Variants in POU2F1 observed in about 807,000 individuals in gnomAD.
POU2F1 encodes the protein POU domain, class 2, transcription factor 1.
In POU2F1, 16 loss-of-function variants were observed where a neutral mutation model predicts 84.9. The observed-to-expected ratio is 0.19, with a 90% CI of 0.13 to 0.29. POU2F1 has a LOEUF of 0.29. Ranked by LOEUF, POU2F1 falls within the 10% of genes least tolerant of loss-of-function variation. The pLI is 1.00. For missense variants in POU2F1, 738 were observed against 942.6 expected (o/e 0.78, Z 2.84); for synonymous variants, 368 against 368.3 (o/e 1.00, Z 0.01).
intron 1 of POU2F1, among the ~76,000 whole-genome samples, chr1:167,228,911 CAGTT>C (rs1463353640): frequency 6.6e-5 from 10 of 152,268 alleles, no homozygotes; most frequent in South Asian, 6.2e-4. Context: ...TTCATTACCT[CAGTT>C]AGTCCTTTCA....
In POU2F1 at chr1:167,278,480, G is replaced by C. The variant is rs568146980; in HGVS notation, c.62-53990G>C. On this transcript the variant is annotated intron_variant, in intron 1 of 15. Transcript: ENST00000367866. ...TGAGTTTGTCCTTTCTCTAGATCTAGGGTATTTGTCATTTGTCCATAAATT... is the reference window on the plus strand; with the variant it reads ...TGAGTTTGTCCTTTCTCTAGATCTACGGTATTTGTCATTTGTCCATAAATT... 5.3e-5 allele frequency among the ~76,000 whole-genome samples: 8 copies of C among 152,262 alleles called. 1 individual carries two copies. The South Asian group carries it at 1.7e-3, about 32-fold the overall frequency.
At chr1:167,409,510 T>C (rs556315219) in intron 13 of POU2F1, among the ~76,000 whole-genome samples, 15 of 152,366 alleles carry the variant, frequency 9.8e-5, no homozygotes, top group African/African-American at 3.4e-4. Context: ...CATATATTGA[T>C]GAAAACATGA....
chr1:167,413,221 C>A, intron 15 of POU2F1, 107 bp downstream of exon 15: 1 of 1,003,440 alleles, frequency 1.0e-6, no homozygotes, highest in Non-Finnish European at 1.5e-6. Flanking sequence ...GTCTGCTTTG[C>A]TAGAGGTAAA....
At position 167,418,971 on chromosome 1, in the gene POU2F1, A is replaced by G. The variant is rs1209396704; in HGVS notation, c.*3161A>G. On this transcript the variant is annotated 3_prime_UTR_variant, in exon 16 of 16. Coordinates refer to ENST00000367866, the MANE Select transcript of POU2F1 (RefSeq NM_002697.4). ...AAATAAGTTGTGAAATGAAAGGTACATTTACACATGTACACACGAAACACT... is the reference window on the plus strand; with the variant it reads ...AAATAAGTTGTGAAATGAAAGGTACGTTTACACATGTACACACGAAACACT... 6.6e-6 allele frequency: 1 copy of G among 152,164 alleles called. No homozygotes were observed. The highest frequency in any genetic ancestry group is 1.9e-4 in the East Asian group (1 of 5,198). The allele number at this position is 152,164 out of a possible 1,614,324, so 9.4% of individuals were successfully genotyped here. A position where few individuals can be genotyped will look rare whatever the true frequency, so the allele number is the denominator to read the frequency against.
chr1:167,407,126 G>A (rs111426638), intron 13 of POU2F1, among the ~76,000 whole-genome samples: 3,725 of 151,976 alleles, frequency 0.025, 145 homozygotes, highest in African/African-American at 0.083. Context: ...AACTTCCCAG[G>A]CTCAAGCAGT....
intron 1 of POU2F1, among the ~76,000 whole-genome samples, chr1:167,229,327 T>C (rs1486639873): frequency 4.6e-5 from 7 of 152,036 alleles, no homozygotes; most frequent in Non-Finnish European, 7.4e-5. Context: ...AAGGAGCCAT[T>C]TGGGGAGTAA....
intron 1 of POU2F1, among the ~76,000 whole-genome samples, chr1:167,274,323 G>C (rs1473787873): frequency 6.6e-6 from 1 of 152,156 alleles, no homozygotes; most frequent in African/African-American, 2.4e-5. Context: ...TAATAGGCCT[G>C]AGTAGAGAAT....
chr1:167,385,626 A>G (rs375151370), intron 8 of POU2F1, among the ~76,000 whole-genome samples: 8 of 152,292 alleles, frequency 5.3e-5, no homozygotes, highest in African/African-American at 1.7e-4. Context: ...AACCTTGACT[A>G]TTATTTCACA....
intron 2 of POU2F1, among the ~76,000 whole-genome samples, chr1:167,353,742 C>T (rs1438814461): frequency 6.6e-6 from 1 of 152,040 alleles, no homozygotes; most frequent in Non-Finnish European, 1.5e-5. Context: ...CGATTTTATG[C>T]AAAAGTAATT....
At chr1:167,286,054 C>A (rs1653506490) in intron 1 of POU2F1, among the ~76,000 whole-genome samples, 1 of 151,954 alleles carries the variant, frequency 6.6e-6, no homozygotes, top group Non-Finnish European at 1.5e-5. Context: ...AAGATTATGG[C>A]CAAATAATAG....
At chr1:167,297,495 G>C (rs1415623018) in intron 1 of POU2F1, among the ~76,000 whole-genome samples, 1 of 152,194 alleles carries the variant, frequency 6.6e-6, no homozygotes, top group African/African-American at 2.4e-5. Context: ...AGAGAAAAGA[G>C]AGTAGTCTCA....
chr1:167,390,164 C>G (rs1571425167), intron 9 of POU2F1, among the ~76,000 whole-genome samples: 1 of 152,282 alleles, frequency 6.6e-6, no homozygotes, highest in Non-Finnish European at 1.5e-5. Flanking sequence ...TTTACATGTC[C>G]AAAGAGGCTT....
At chr1:167,295,253 C>T (rs1240197264) in intron 1 of POU2F1, among the ~76,000 whole-genome samples, 1 of 152,118 alleles carries the variant, frequency 6.6e-6, no homozygotes, top group African/African-American at 2.4e-5. Context: ...GCCCAATTCA[C>T]AGTTGCAAAG....
At chr1:167,291,439 G>T (rs1330533083) in intron 1 of POU2F1, among the ~76,000 whole-genome samples, 1 of 152,174 alleles carries the variant, frequency 6.6e-6, no homozygotes, top group Non-Finnish European at 1.5e-5. Flanking sequence ...TTCAGTGGTG[G>T]TTTGCACAGC....
At position 167,396,664 on chromosome 1, in the gene POU2F1, T is replaced by C. The variant is rs1648827069; in HGVS notation, c.1129+237T>C. 6.7e-6 allele frequency: 3 copies of C among 448,270 alleles called. No homozygotes were observed. In the South Asian group the frequency reaches 9.5e-5, roughly 14 times the overall value. The allele number at this position is 448,270 out of a possible 1,614,324, so 27.8% of individuals were successfully genotyped here. ...CCGTAATTTTTAGCCTGAAATACTC[T>C]TGTATTTGAGCCAGGATTAGGAACA... On this transcript the variant is annotated intron_variant, in intron 10 of 15. Transcript: ENST00000367866.
intron 1 of POU2F1, among the ~76,000 whole-genome samples, chr1:167,240,869 G>A (rs931018716): frequency 1.3e-5 from 2 of 152,112 alleles, no homozygotes; most frequent in African/African-American, 4.8e-5. Context: ...AAGGCCGGGC[G>A]CGGTGGCTCA....
rs763732049 is a variant in POU2F1, at chr1:167,220,955, G to C, written c.58G>C (p.Ala20Pro). 2.0e-6 allele frequency: 3 copies of C among 1,535,130 alleles called. No homozygotes were observed. The highest frequency in any genetic ancestry group is 1.4e-5 in the African/African-American group (1 of 73,010). The change falls in exon 1 of 16, where the codon GCA (alanine) becomes CCA (proline). Residue 20 changes from alanine (A) to proline (P), a missense_variant. Transcript: ENST00000367866. The stretch of plus-strand genomic sequence containing the variant: ...GAGTTCAGCCGCGGCGGCAGCAGCA[G>C]CAGGTAATCATTACAGCATTTTACA... ...DESSAAAAAA[A>P]DSRMNNPSET...
chr1:167,236,629 A>G (rs1488888092), intron 1 of POU2F1, among the ~76,000 whole-genome samples: 1 of 152,014 alleles, frequency 6.6e-6, no homozygotes, highest in Non-Finnish European at 1.5e-5. Flanking sequence ...CTCTTTGGAG[A>G]AGTAGCTTAG....
At chr1:167,224,035 T>C (rs571120746) in intron 1 of POU2F1, among the ~76,000 whole-genome samples, 2 of 152,250 alleles carry the variant, frequency 1.3e-5, no homozygotes, top group Non-Finnish European at 2.9e-5. Flanking sequence ...AGGCCGTAGA[T>C]ATTTTATACA....
Sources: gnomAD v4.1 joint callset for allele counts (sites outside exome capture counted in the v4.1 genomes callset) on GRCh38, gnomAD v4.1.1 for gene constraint, MANE v1.5 for transcripts, NCBI Gene and HGNC (gene_info 2026-07-23, HGNC 2026-07-21) for gene names.